The following MAP4K3 variants were observed in gnomAD, a reference collection of about 807,000 sequenced individuals.
MAP4K3 encodes the protein mitogen-activated protein kinase kinase kinase kinase 3.
In MAP4K3, 94 loss-of-function variants were observed where a neutral mutation model predicts 143.5. The observed-to-expected ratio is 0.65, with a 90% CI of 0.55 to 0.78. The LOEUF is 0.78. Ranked by LOEUF, MAP4K3 falls within the 30% of genes least tolerant of loss-of-function variation. The pLI, the probability that MAP4K3 is intolerant of heterozygous loss-of-function variation, is 0.00. For synonymous variants in MAP4K3, 416 were observed against 347.2 expected (o/e 1.20, Z -2.20); for missense variants, 1,077 against 1,068.1 (o/e 1.01, Z -0.12).
At chr2:39,306,204 T>C (rs934874889) in intron 15 of MAP4K3, among the ~76,000 whole-genome samples, 1 of 152,024 alleles carries the variant, frequency 6.6e-6, no homozygotes, top group African/African-American at 2.4e-5. Context: ...TAATAAATAC[T>C]AGAGTCAATT....
At position 39,417,215 on chromosome 2, in the gene MAP4K3, C is replaced by CTT. The variant is rs1243263619; in HGVS notation, c.96+19675_96+19676dup. 5.7e-3 allele frequency among the ~76,000 whole-genome samples: 766 copies of CTT among 133,764 alleles called. 20 individuals carry two copies. Among genetic ancestry groups the CTT allele is most frequent in the African/African-American group, 0.019 (702 of 36,502 alleles). The allele number at this position is 133,764 out of a possible 152,430, so 87.8% of individuals were successfully genotyped here. A position where few individuals can be genotyped will look rare whatever the true frequency, so the allele number is the denominator to read the frequency against. On this transcript the variant is annotated intron_variant, in intron 1 of 33. Transcript: ENST00000263881. ...AGGCAGTGAAAGCCAGGTTTCTTTT[C>CTT]TTTTTTTTTTTTTTTTGTGTGTGAG...
In MAP4K3 at chr2:39,419,018, A is replaced by G. The variant is rs181616104; in HGVS notation, c.96+17874T>C. 3.7e-4 allele frequency among the ~76,000 whole-genome samples: 57 copies of G among 152,358 alleles called. 1 individual carries two copies. In the East Asian group the frequency reaches 0.011, roughly 29 times the overall value. ...AATGTACCATGGTAACATGTTAACA[A>G]AAAACGAAACTGGGTTAGGAGTCTT... is the stretch of plus-strand genomic sequence containing the variant. On this transcript the variant is annotated intron_variant, in intron 1 of 33. Transcript: ENST00000263881.
chr2:39,334,698 T>C (rs1209826896), intron 6 of MAP4K3, among the ~76,000 whole-genome samples: 2 of 152,180 alleles, frequency 1.3e-5, no homozygotes, highest in Non-Finnish European at 2.9e-5. Context: ...ATTATGGCCT[T>C]TCTCTCCTCC....
chr2:39,357,900 G>C (rs375110075), intron 2 of MAP4K3, among the ~76,000 whole-genome samples: 113 of 152,310 alleles, frequency 7.4e-4, no homozygotes, highest in African/African-American at 2.5e-3. Context: ...AGTTGATCTA[G>C]TCAGAGTGAA....
chr2:39,360,560 T>A (rs1202128776), intron 2 of MAP4K3, among the ~76,000 whole-genome samples: 2 of 152,138 alleles, frequency 1.3e-5, no homozygotes, highest in Non-Finnish European at 2.9e-5. Context: ...TGGTACCAAT[T>A]TACTGTACTA....
chr2:39,250,807 GC>G lies in MAP4K3; in HGVS notation c.2598-103del, dbSNP rs1172111248. The G allele has an allele frequency of 3.6e-6, 3 of 835,152 alleles. No homozygotes were observed. In the African/African-American group the frequency reaches 5.1e-5, roughly 14 times the overall value. 51.7% of individuals were successfully genotyped at this position (835,152 alleles called of 1,614,324 possible). On this transcript the variant is annotated intron_variant, in intron 33 of 33. Coordinates refer to ENST00000263881, the MANE Select transcript of MAP4K3 (RefSeq NM_003618.4). ...TTCTCCAATATGTGCCTCTATAAAT[GC>G]TGCTCATTTGATCGTGGGCAGAAAT...
chr2:39,304,148 A>AT (rs58878976), intron 15 of MAP4K3, among the ~76,000 whole-genome samples: 10,614 of 143,900 alleles, frequency 0.074, 520 homozygotes, highest in African/African-American at 0.14. Context: ...TAATTATCTG[A>AT]TTTTTTTTTT....
chr2:39,428,536 C>A (rs1184962786), intron 1 of MAP4K3, among the ~76,000 whole-genome samples: 1 of 151,468 alleles, frequency 6.6e-6, no homozygotes, highest in Non-Finnish European at 1.5e-5. Flanking sequence ...ATTAGCTGGG[C>A]GTGGTGACGG....
intron 1 of MAP4K3, among the ~76,000 whole-genome samples, chr2:39,435,356 G>T (rs1473746538): frequency 6.6e-6 from 1 of 152,182 alleles, no homozygotes; most frequent in Non-Finnish European, 1.5e-5. Flanking sequence ...GAACTAAGAG[G>T]CCTGCAAGAT....
intron 20 of MAP4K3, among the ~76,000 whole-genome samples, chr2:39,287,233 A>T (rs1277823782): frequency 5.9e-5 from 9 of 152,128 alleles, no homozygotes; most frequent in Non-Finnish European, 5.9e-5. Flanking sequence ...CCAAATACTG[A>T]ATTCATAACT....
intron 1 of MAP4K3, among the ~76,000 whole-genome samples, chr2:39,386,613 A>T (rs1666511900): frequency 6.6e-6 from 1 of 152,110 alleles, no homozygotes; most frequent in Non-Finnish European, 1.5e-5. Context: ...ATTTTTTTGC[A>T]TGTATATGTC....
chr2:39,386,753 T>G (rs1666515645), intron 1 of MAP4K3, among the ~76,000 whole-genome samples: 1 of 152,164 alleles, frequency 6.6e-6, no homozygotes, highest in South Asian at 2.1e-4. Flanking sequence ...TATATTGATC[T>G]AGTGATTGTG....
At chr2:39,409,946 T>C (rs1011333797) in intron 1 of MAP4K3, among the ~76,000 whole-genome samples, 1 of 152,226 alleles carries the variant, frequency 6.6e-6, no homozygotes, top group Non-Finnish European at 1.5e-5. Flanking sequence ...ATTCCAATGA[T>C]GGAATGAAAA....
intron 1 of MAP4K3, chr2:39,436,531 T>C: frequency 4.1e-6 from 1 of 244,008 alleles, no homozygotes; most frequent in Non-Finnish European, 8.1e-6. Flanking sequence ...ACCAGACCCC[T>C]GCTGTCCGGT....
intron 8 of MAP4K3, among the ~76,000 whole-genome samples, chr2:39,327,056 A>G (rs1683515656): frequency 6.6e-6 from 1 of 152,182 alleles, no homozygotes; most frequent in Non-Finnish European, 1.5e-5. Context: ...ATAAAAATAT[A>G]CAATTCTAAT....
chr2:39,434,565 T>A (rs1033314439), intron 1 of MAP4K3, among the ~76,000 whole-genome samples: 3 of 152,216 alleles, frequency 2.0e-5, no homozygotes, highest in Non-Finnish European at 4.4e-5. Context: ...TGGCTACAAC[T>A]CAAATGCTAA....
intron 20 of MAP4K3, 71 bp from the exon 21 acceptor site, chr2:39,287,035 G>A (rs1246676516): frequency 1.8e-5 from 16 of 889,508 alleles, no homozygotes; most frequent in Non-Finnish European, 2.4e-5. Flanking sequence ...TTATCAAGTA[G>A]GAAAGAAAAA....
At chr2:39,380,337 AATC>A (rs1339372636) in intron 1 of MAP4K3, among the ~76,000 whole-genome samples, 1 of 152,136 alleles carries the variant, frequency 6.6e-6, no homozygotes, top group Non-Finnish European at 1.5e-5. Flanking sequence ...ATTCACCAGG[AATC>A]TTGGTCTTCT....
At chr2:39,271,529 C>A (rs532632541) in intron 26 of MAP4K3, among the ~76,000 whole-genome samples, 13 of 152,128 alleles carry the variant, frequency 8.5e-5, no homozygotes, top group Non-Finnish European at 1.5e-4. Flanking sequence ...AACGAAAGAA[C>A]AGAGCATAAT....
Sources: allele counts gnomAD v4.1 joint callset (sites outside exome capture counted in the v4.1 genomes callset), GRCh38; gene constraint gnomAD v4.1.1; transcripts MANE v1.5; gene names NCBI Gene and HGNC (gene_info 2026-07-23, HGNC 2026-07-21).